SLC35F3: variants seen among roughly 807,000 people sequenced by gnomAD.
SLC35F3 encodes the protein solute carrier family 35 member F3, also known as putative thiamine transporter SLC35F3.
A neutral mutation model predicts 49.9 loss-of-function variants in SLC35F3; 25 were observed. The ratio of observed to expected loss-of-function variants is 0.50; its 90% confidence interval spans 0.37 to 0.70. SLC35F3 has a LOEUF of 0.70. Among genes scored for constraint, SLC35F3 ranks in the 30% least tolerant of loss-of-function variants. The pLI is 0.00. For missense variants in SLC35F3, 525 were observed against 639.8 expected, an observed-to-expected ratio of 0.82 and a Z score of 1.94; for synonymous variants, 275 against 265.4, an observed-to-expected ratio of 1.04 and a Z score of -0.35.
intron 2 of SLC35F3, among the ~76,000 whole-genome samples, chr1:234,106,653 G>C (rs1278581636): frequency 6.6e-6 from 1 of 152,148 alleles, no homozygotes; most frequent in Non-Finnish European, 1.5e-5. Context: ...CCTTTTTAAA[G>C]GCCCTTTCTT....
intron 2 of SLC35F3, among the ~76,000 whole-genome samples, chr1:233,982,530 A>G (rs1663202946): frequency 1.3e-5 from 2 of 151,980 alleles, no homozygotes; most frequent in Non-Finnish European, 2.9e-5. Context: ...ATGCGCCACC[A>G]TGCTCGGCTA....
chr1:233,978,130 G>A (rs1663120217), intron 2 of SLC35F3, among the ~76,000 whole-genome samples: 1 of 152,134 alleles, frequency 6.6e-6, no homozygotes, highest in African/African-American at 2.4e-5. Context: ...GAGGCTAGCA[G>A]GTGTTTGCCA....
chr1:233,936,955 G>A (rs1488156617), intron 2 of SLC35F3, among the ~76,000 whole-genome samples: 1 of 152,182 alleles, frequency 6.6e-6, no homozygotes, highest in East Asian at 1.9e-4. Flanking sequence ...GCCTCCCAAA[G>A]TGTTGAGATT....
intron 3 of SLC35F3, among the ~76,000 whole-genome samples, chr1:234,244,392 A>G (rs1347143941): frequency 6.6e-6 from 1 of 152,132 alleles, no homozygotes; most frequent in Non-Finnish European, 1.5e-5. Context: ...GAAGGAAGAA[A>G]CTATCCATGG....
chr1:234,298,995 A>G (rs1668649437), intron 3 of SLC35F3, among the ~76,000 whole-genome samples: 1 of 152,196 alleles, frequency 6.6e-6, no homozygotes, highest in South Asian at 2.1e-4. Flanking sequence ...ATTGTGTGTC[A>G]TAGAAGCCAA....
chr1:234,289,310 T>C (rs1290764330), intron 3 of SLC35F3, among the ~76,000 whole-genome samples: 2 of 152,128 alleles, frequency 1.3e-5, no homozygotes, highest in Non-Finnish European at 2.9e-5. Context: ...TTAAAGAAAA[T>C]ACATACTGTT....
In SLC35F3 at chr1:233,938,690, ATGG is replaced by A. The variant is rs1286881321; in HGVS notation, c.283+32933_283+32935del. On this transcript the variant is annotated intron_variant, in intron 2 of 7. Coordinates refer to ENST00000366618, the MANE Select transcript of SLC35F3 (RefSeq NM_173508.4). ...GATTGGTGGGTGGATGGATGGATGG[ATGG>A]ATGGATGAATGGATGGATGGATGGA... is the stretch of plus-strand genomic sequence containing the variant. Among the ~76,000 whole-genome samples the A allele has an allele frequency of 3.3e-5, 5 of 151,530 alleles. No homozygotes were observed. In the South Asian group the frequency reaches 6.3e-4, roughly 19 times the overall value.
chr1:233,995,792 C>G (rs1027741335), intron 2 of SLC35F3, among the ~76,000 whole-genome samples: 1 of 152,120 alleles, frequency 6.6e-6, no homozygotes, highest in African/African-American at 2.4e-5. Flanking sequence ...TGGACTACAT[C>G]CCTCCTGCAG....
chr1:234,084,367 T>G (rs1255550741), intron 2 of SLC35F3, among the ~76,000 whole-genome samples: 9 of 152,140 alleles, frequency 5.9e-5, no homozygotes, highest in Non-Finnish European at 1.2e-4. Flanking sequence ...ATTTGCACGT[T>G]GCCAAACAAA....
intron 2 of SLC35F3, among the ~76,000 whole-genome samples, chr1:234,140,778 T>C (rs925246524): frequency 1.3e-5 from 2 of 152,214 alleles, no homozygotes; most frequent in African/African-American, 4.8e-5. Flanking sequence ...GGAACCTCCT[T>C]GCTCATTTAA....
chr1:233,934,103 A>C (rs1198675476), intron 2 of SLC35F3, among the ~76,000 whole-genome samples: 2 of 152,212 alleles, frequency 1.3e-5, no homozygotes, highest in Non-Finnish European at 2.9e-5. Context: ...TAAGGATAGC[A>C]TAGGATATCA....
chr1:234,093,205 C>G (rs1009718953), intron 2 of SLC35F3, among the ~76,000 whole-genome samples: 1 of 152,218 alleles, frequency 6.6e-6, no homozygotes, highest in African/African-American at 2.4e-5. Context: ...TAATTACACT[C>G]ACAGCATGCC....
intron 2 of SLC35F3, among the ~76,000 whole-genome samples, chr1:233,931,167 C>G (rs1042535033): frequency 9.2e-5 from 14 of 152,152 alleles, no homozygotes; most frequent in African/African-American, 2.7e-4. Context: ...AGCATAAGAC[C>G]TAAAACTGTA....
intron 2 of SLC35F3, among the ~76,000 whole-genome samples, chr1:233,953,191 A>C (rs1384870142): frequency 6.6e-6 from 1 of 152,224 alleles, no homozygotes; most frequent in Non-Finnish European, 1.5e-5. Flanking sequence ...ATAGCCTCAA[A>C]TAAGCTAATA....
intron 2 of SLC35F3, among the ~76,000 whole-genome samples, chr1:234,015,244 A>C (rs1458296920): frequency 6.6e-6 from 1 of 151,850 alleles, no homozygotes; most frequent in African/African-American, 2.4e-5. Context: ...GTTACTTGAG[A>C]GGCTGAGACA....
chr1:234,317,231 T>C (rs534165537), intron 5 of SLC35F3, among the ~76,000 whole-genome samples: 9 of 152,330 alleles, frequency 5.9e-5, no homozygotes, highest in East Asian at 1.9e-4. Flanking sequence ...ACGGCTGTAA[T>C]ACGGGGATAA....
chr1:233,934,690 T>G (rs553893511), intron 2 of SLC35F3, among the ~76,000 whole-genome samples: 14 of 152,208 alleles, frequency 9.2e-5, no homozygotes, highest in African/African-American at 3.1e-4. Context: ...AACAGAATAT[T>G]ACTGGCATGT....
At chr1:234,065,825 T>C (rs1487973125) in intron 2 of SLC35F3, among the ~76,000 whole-genome samples, 3 of 152,220 alleles carry the variant, frequency 2.0e-5, no homozygotes, top group Non-Finnish European at 2.9e-5. Flanking sequence ...TGTACTTCCA[T>C]TTAAGAAAAT....
intron 2 of SLC35F3, among the ~76,000 whole-genome samples, chr1:234,107,857 A>T (rs953823759): frequency 6.6e-6 from 1 of 152,160 alleles, no homozygotes. Context: ...CTCAAAGTAC[A>T]CTTTATAGAA....
Sources: gnomAD v4.1 joint callset for allele counts (sites outside exome capture counted in the v4.1 genomes callset) on GRCh38, gnomAD v4.1.1 for gene constraint, MANE v1.5 for transcripts, NCBI Gene and HGNC (gene_info 2026-07-23, HGNC 2026-07-21) for gene names.